Variants in ZEB1 observed in about 807,000 individuals in gnomAD.
ZEB1 encodes zinc finger E-box-binding homeobox 1.
Under a neutral mutation model 84.9 loss-of-function variants are expected in ZEB1, and 21 were observed. That is an observed-to-expected ratio of 0.25 (90% CI 0.18 to 0.36). The LOEUF is 0.36. ZEB1 is among the 10% of genes least tolerant of loss of function. ZEB1 has a pLI of 1.00. For synonymous variants in ZEB1, 420 were observed against 471.1 expected (o/e 0.89, Z 1.41); for missense variants, 1,104 against 1,330.2 (o/e 0.83, Z 2.65).
At chr10:31,348,622 T>G (rs749308007) in intron 1 of ZEB1, among the ~76,000 whole-genome samples, 1 of 151,948 alleles carries the variant, frequency 6.6e-6, no homozygotes, top group Non-Finnish European at 1.5e-5. Context: ...AGATAGACAC[T>G]CCTCCTGAGA....
At chr10:31,517,954 G>T (rs1295439815) in intron 6 of ZEB1, among the ~76,000 whole-genome samples, 1 of 152,048 alleles carries the variant, frequency 6.6e-6, no homozygotes, top group African/African-American at 2.4e-5. Flanking sequence ...GTAGTACATG[G>T]CAAAGCTAGG....
intron 8 of ZEB1, among the ~76,000 whole-genome samples, chr10:31,524,571 C>T (rs2073056043): frequency 6.6e-6 from 1 of 152,138 alleles, no homozygotes; most frequent in Non-Finnish European, 1.5e-5. Flanking sequence ...TTGCCCACTT[C>T]TACCTAGTAC....
intron 2 of ZEB1, among the ~76,000 whole-genome samples, chr10:31,468,833 G>A (rs1182075293): frequency 6.6e-6 from 1 of 152,122 alleles, no homozygotes; most frequent in African/African-American, 2.4e-5. Flanking sequence ...CTACACATGA[G>A]AAGGAACCAG....
intron 1 of ZEB1, among the ~76,000 whole-genome samples, chr10:31,406,009 C>G (rs992070729): frequency 3.3e-5 from 5 of 152,136 alleles, no homozygotes; most frequent in African/African-American, 9.7e-5. Flanking sequence ...CATGTCCCTG[C>G]AAAGGACATG....
intron 1 of ZEB1, chr10:31,363,639 T>C (rs1564597722): frequency 6.8e-7 from 1 of 1,480,534 alleles, no homozygotes; most frequent in Non-Finnish European, 9.1e-7. Flanking sequence ...CCTGATCATC[T>C]AATGAAGGAA....
In ZEB1 at chr10:31,461,143, T is replaced by G. The variant is rs148639111; in HGVS notation, c.165T>G (p.Gly55=). The G allele has an allele frequency of 1.2e-6, 2 of 1,613,438 alleles. No individual in the cohort carries two copies. Among genetic ancestry groups the G allele is most frequent in the African/African-American group, 2.7e-5 (2 of 74,894 alleles). The stretch of plus-strand genomic sequence containing the variant: ...TTACAGATGCAGCTGACTGTGAAGG[T>G]GTACCAGAGGATGACCTGCCAACAG... The part of the protein sequence containing the change: ...ESVTDAADCE[G]VPEDDLPTDQ... The change falls in exon 2 of 9, where the codon GGT becomes GGG. Residue 55 remains glycine (G), a synonymous_variant. Transcript: ENST00000424869.
chr10:31,490,963 A>T lies in ZEB1; in HGVS notation c.260-4813A>T, dbSNP rs115667565. Among the ~76,000 whole-genome samples the T allele has an allele frequency of 7.0e-3, 1,060 of 151,880 alleles. 12 individuals are homozygous for T. The highest frequency in any genetic ancestry group is 0.023 in the African/African-American group (975 of 41,490). On this transcript the variant is annotated intron_variant, in intron 2 of 8. Transcript: ENST00000424869. The stretch of plus-strand genomic sequence containing the variant: ...TCAAAGCCTTTGAAATGCTGTTCAG[A>T]TCTGTCCTTCATGTACCACCCAGGG...
At chr10:31,400,686 A>T (rs1209979406) in intron 1 of ZEB1, among the ~76,000 whole-genome samples, 2 of 152,164 alleles carry the variant, frequency 1.3e-5, no homozygotes, top group East Asian at 3.8e-4. Context: ...CAAAGGCAGT[A>T]CAGAGACTGA....
At chr10:31,513,096 C>G (rs376685982) in intron 5 of ZEB1, among the ~76,000 whole-genome samples, 2 of 152,138 alleles carry the variant, frequency 1.3e-5, no homozygotes, top group East Asian at 1.9e-4. Flanking sequence ...TAGGGGAACA[C>G]TGACTGTTGG....
chr10:31,414,135 A>G (rs527784732), intron 1 of ZEB1, among the ~76,000 whole-genome samples: 1 of 152,320 alleles, frequency 6.6e-6, no homozygotes, highest in African/African-American at 2.4e-5. Flanking sequence ...GTTTTTTCAT[A>G]TATAACATGG....
intron 1 of ZEB1, among the ~76,000 whole-genome samples, chr10:31,345,472 T>C (rs2040139521): frequency 6.6e-6 from 1 of 152,160 alleles, no homozygotes; most frequent in Non-Finnish European, 1.5e-5. Context: ...TGCTAAGTGT[T>C]ATGAGTTGTC....
intron 1 of ZEB1, among the ~76,000 whole-genome samples, chr10:31,407,178 C>A (rs1288165016): frequency 6.6e-6 from 1 of 151,396 alleles, no homozygotes; most frequent in African/African-American, 2.4e-5. Flanking sequence ...ATGTGCCATG[C>A]TGGTGCACTG....
chr10:31,478,173 C>A (rs2064517337), intron 2 of ZEB1, among the ~76,000 whole-genome samples: 1 of 151,846 alleles, frequency 6.6e-6, no homozygotes, highest in South Asian at 2.1e-4. Context: ...AGAAAAACAA[C>A]CCCATTAAAT....
chr10:31,361,099 C>T lies in ZEB1; in HGVS notation c.58+41807C>T, dbSNP rs61846169. 3.6e-4 allele frequency: 568 copies of T among 1,592,998 alleles called. 1 individual carries two copies. Among genetic ancestry groups the T allele is most frequent in the South Asian group, 5.2e-4 (47 of 90,404 alleles). On this transcript the variant is annotated intron_variant, in intron 1 of 8. Coordinates refer to ENST00000424869, the MANE Select transcript of ZEB1 (RefSeq NM_001174096.2). Reference sequence around the variant, plus strand: ...CTCTAAGACTTACAAATTACAAGAACGATCTGATCTTACAGTCAAGGAAAA... The same window carrying T: ...CTCTAAGACTTACAAATTACAAGAATGATCTGATCTTACAGTCAAGGAAAA...
At chr10:31,382,033 A>C (rs1047590394) in intron 1 of ZEB1, among the ~76,000 whole-genome samples, 4 of 147,278 alleles carry the variant, frequency 2.7e-5, no homozygotes, top group Admixed American at 6.7e-5. Context: ...AAAAAAAAAA[A>C]ACAAAGTAAA....
intron 1 of ZEB1, among the ~76,000 whole-genome samples, chr10:31,456,992 A>T (rs1249657058): frequency 2.0e-5 from 3 of 152,200 alleles, no homozygotes; most frequent in Non-Finnish European, 1.5e-5. Context: ...ATAAGTATGC[A>T]TTGAAAATGT....
At chr10:31,486,425 G>A (rs1030545360) in intron 2 of ZEB1, among the ~76,000 whole-genome samples, 1 of 151,532 alleles carries the variant, frequency 6.6e-6, no homozygotes, top group Non-Finnish European at 1.5e-5. Context: ...CATTCTAATA[G>A]GTGTGTTTTC....
intron 1 of ZEB1, among the ~76,000 whole-genome samples, chr10:31,421,490 G>A (rs1228494109): frequency 5.3e-5 from 8 of 152,054 alleles, no homozygotes; most frequent in South Asian, 4.1e-4. Flanking sequence ...GCTGTCAGGC[G>A]TCTGCTGCTA....
At chr10:31,451,110 T>A (rs1005489022) in intron 1 of ZEB1, among the ~76,000 whole-genome samples, 3 of 152,248 alleles carry the variant, frequency 2.0e-5, no homozygotes, top group Non-Finnish European at 4.4e-5. Flanking sequence ...CTAAATTTAT[T>A]CTATGATGTG....
Sources: gnomAD v4.1 joint callset for allele counts (sites outside exome capture counted in the v4.1 genomes callset) on GRCh38, gnomAD v4.1.1 for gene constraint, MANE v1.5 for transcripts, NCBI Gene and HGNC (gene_info 2026-07-23, HGNC 2026-07-21) for gene names.